The following CAMSAP2 variants were observed in gnomAD, a reference collection of about 807,000 sequenced individuals.
CAMSAP2 encodes the protein calmodulin regulated spectrin associated protein family member 2.
A neutral mutation model predicts 146.1 loss-of-function variants in CAMSAP2; 26 were observed. That is an observed-to-expected ratio of 0.18 (90% confidence interval 0.13 to 0.25). The LOEUF (loss-of-function observed/expected upper bound fraction) is 0.25. Among genes scored for constraint, CAMSAP2 ranks in the 10% least tolerant of loss-of-function variants. CAMSAP2 has a pLI of 1.00. For synonymous variants in CAMSAP2, 499 were observed against 596.6 expected (o/e 0.84, Z 2.38); for missense variants, 1,381 against 1,759.3 (o/e 0.78, Z 3.85).
intron 1 of CAMSAP2, among the ~76,000 whole-genome samples, chr1:200,752,579 C>T (rs1488945995): frequency 1.3e-5 from 2 of 151,736 alleles, no homozygotes; most frequent in Non-Finnish European, 2.9e-5. Context: ...ATTTTATTTC[C>T]CAATTCAGGA....
chr1:200,806,054 C>T (rs1666161966), intron 2 of CAMSAP2, among the ~76,000 whole-genome samples: 1 of 151,998 alleles, frequency 6.6e-6, no homozygotes, highest in African/African-American at 2.4e-5. Flanking sequence ...CCTTTATAAA[C>T]ATGTTATCAA....
intron 2 of CAMSAP2, among the ~76,000 whole-genome samples, chr1:200,786,299 A>G (rs1449981542): frequency 2.6e-5 from 4 of 151,166 alleles, no homozygotes; most frequent in African/African-American, 4.8e-5. Context: ...AAAAAAATCT[A>G]GCTTCTTAAG....
chr1:200,812,020 A>T (rs1407211395), intron 3 of CAMSAP2, among the ~76,000 whole-genome samples: 2 of 152,082 alleles, frequency 1.3e-5, no homozygotes, highest in African/African-American at 4.8e-5. Context: ...CTTTTTCCTG[A>T]CAACCTTATC....
intron 2 of CAMSAP2, among the ~76,000 whole-genome samples, chr1:200,787,046 A>T (rs1001075576): frequency 1.3e-5 from 2 of 152,014 alleles, no homozygotes; most frequent in African/African-American, 4.8e-5. Flanking sequence ...CTTTCAAAAT[A>T]TCACTGCTCG....
chr1:200,793,699 A>C (rs1259179968), intron 2 of CAMSAP2, among the ~76,000 whole-genome samples: 1 of 149,750 alleles, frequency 6.7e-6, no homozygotes, highest in Non-Finnish European at 1.5e-5. Flanking sequence ...TTTATTCTTA[A>C]GGCTTTTTTT....
intron 4 of CAMSAP2, among the ~76,000 whole-genome samples, chr1:200,822,375 C>G (rs913304076): frequency 6.6e-6 from 1 of 152,174 alleles, no homozygotes; most frequent in Non-Finnish European, 1.5e-5. Flanking sequence ...CCCTAGTCTT[C>G]TTTAAACTGA....
chr1:200,750,619 A>G (rs1245729777), intron 1 of CAMSAP2, among the ~76,000 whole-genome samples: 1 of 136,106 alleles, frequency 7.3e-6, no homozygotes, highest in African/African-American at 2.8e-5. Context: ...ATAGATAGAT[A>G]GATACATCTT....
intron 2 of CAMSAP2, among the ~76,000 whole-genome samples, chr1:200,768,138 C>T (rs1665008336): frequency 6.6e-6 from 1 of 152,186 alleles, no homozygotes; most frequent in African/African-American, 2.4e-5. Context: ...GTCTCACTTT[C>T]TAGCGGTGGC....
At chr1:200,817,109 C>CGT (rs1313383332) in intron 4 of CAMSAP2, among the ~76,000 whole-genome samples, 20 of 144,204 alleles carry the variant, frequency 1.4e-4, no homozygotes, top group African/African-American at 4.8e-4. Context: ...TATACACACA[C>CGT]GTGTGTGTAT....
chr1:200,845,185 G>A (rs1278094378), intron 8 of CAMSAP2, among the ~76,000 whole-genome samples: 1 of 151,918 alleles, frequency 6.6e-6, no homozygotes, highest in East Asian at 1.9e-4. Context: ...AGGCCTTGGA[G>A]GGAAATTTTG....
intron 3 of CAMSAP2, among the ~76,000 whole-genome samples, chr1:200,813,224 T>C (rs1666383250): frequency 1.3e-5 from 2 of 152,346 alleles, no homozygotes; most frequent in South Asian, 4.1e-4. Flanking sequence ...GCCACTGTGC[T>C]CCTTCAACCC....
At chr1:200,804,469 T>C (rs956037113) in intron 2 of CAMSAP2, among the ~76,000 whole-genome samples, 7 of 152,326 alleles carry the variant, frequency 4.6e-5, no homozygotes, top group African/African-American at 1.7e-4. Context: ...TTTTATCCTC[T>C]CTCATGTGTT....
chr1:200,738,982 G>A lies in CAMSAP2; in HGVS notation c.-846G>A, dbSNP rs1664064113. On this transcript the variant is annotated 5_prime_UTR_variant, in exon 1 of 17. Coordinates refer to ENST00000358823, the MANE Select transcript of CAMSAP2 (RefSeq NM_203459.4). ...CTGAGGGGGAACGATCCAGCGAGCT[G>A]CAGAAAGGGGGGCAGGAAAAAATTA... Among the ~76,000 whole-genome samples, 1 of 151,678 alleles carries A rather than the reference G, an allele frequency of 6.6e-6. No individual in the cohort carries two copies. Among genetic ancestry groups the A allele is most frequent in the African/African-American group, 2.4e-5 (1 of 41,226 alleles).
intron 4 of CAMSAP2, among the ~76,000 whole-genome samples, chr1:200,816,872 A>G (rs1448569038): frequency 1.2e-4 from 6 of 51,864 alleles, no homozygotes; most frequent in African/African-American, 7.9e-5. Flanking sequence ...GTATGTGTGT[A>G]CACACACACG....
At chr1:200,777,629 T>C (rs569595714) in intron 2 of CAMSAP2, among the ~76,000 whole-genome samples, 5 of 152,240 alleles carry the variant, frequency 3.3e-5, no homozygotes, top group African/African-American at 9.6e-5. Context: ...TTTTATATAA[T>C]GGAGCCAAAG....
rs138268132 is a variant in CAMSAP2, at chr1:200,833,241, T to C, written c.927+396T>C. Among the ~76,000 whole-genome samples, 1,062 of 152,210 alleles carry C rather than the reference T, an allele frequency of 7.0e-3. 5 individuals are homozygous for C. The highest frequency in any genetic ancestry group is 0.048 in the Middle Eastern group (14 of 292). On this transcript the variant is annotated intron_variant, in intron 6 of 16. Coordinates refer to ENST00000358823, the MANE Select transcript of CAMSAP2 (RefSeq NM_203459.4). ...TATACTATAAGCTACAAGTTTCTTT[T>C]ATAGTGCAAAGCCAAACTTAAAGTC...
intron 4 of CAMSAP2, among the ~76,000 whole-genome samples, chr1:200,819,224 G>A (rs1031247701): frequency 7.2e-5 from 11 of 152,182 alleles, no homozygotes; most frequent in African/African-American, 2.4e-4. Flanking sequence ...TTTAAATAGT[G>A]TCATGTCCTA....
At chr1:200,766,072 T>C (rs1664941262) in intron 2 of CAMSAP2, among the ~76,000 whole-genome samples, 1 of 152,138 alleles carries the variant, frequency 6.6e-6, no homozygotes, top group African/African-American at 2.4e-5. Flanking sequence ...CAGCTTAGTT[T>C]AAATAATTAT....
In CAMSAP2 at chr1:200,817,247, CATATGTGTGTGTAT is replaced by C. The variant is rs1430783960; in HGVS notation, c.645+1607_645+1620del. On this transcript the variant is annotated intron_variant, in intron 4 of 16. Coordinates refer to ENST00000358823, the MANE Select transcript of CAMSAP2 (RefSeq NM_203459.4). ...GTGTGTGTATATACACACATACACACATATGTGTGTGTATATACACACATATATATATATTTTCC... is the reference window on the plus strand; with the variant it reads ...GTGTGTGTATATACACACATACACACATACACACATATATATATATTTTCC... Among the ~76,000 whole-genome samples the C allele has an allele frequency of 0.018, 254 of 13,856 alleles. 4 individuals carry two copies. In the South Asian group the frequency reaches 0.36, roughly 19 times the overall value. 9.1% of individuals were successfully genotyped at this position (13,856 alleles called of 152,430 possible). A position where few individuals can be genotyped will look rare whatever the true frequency, so the allele number is the denominator to read the frequency against.
Sources: gnomAD v4.1 joint callset for allele counts (sites outside exome capture counted in the v4.1 genomes callset) on GRCh38, gnomAD v4.1.1 for gene constraint, MANE v1.5 for transcripts, NCBI Gene and HGNC (gene_info 2026-07-23, HGNC 2026-07-21) for gene names.